Variants in SGSM1 observed in about 807,000 individuals in gnomAD.
SGSM1 encodes the protein RUN and TBC1 domain containing 2.
A neutral mutation model predicts 133.8 loss-of-function variants in SGSM1; 73 were observed. The ratio of observed to expected loss-of-function variants is 0.55; its 90% CI spans 0.45 to 0.66. The LOEUF (loss-of-function observed/expected upper bound fraction) is 0.66. Among genes scored for constraint, SGSM1 ranks in the 30% least tolerant of loss-of-function variants. SGSM1 has a pLI of 0.00. For synonymous variants in SGSM1, 563 were observed against 573.0 expected (o/e 0.98, Z 0.25); for missense variants, 1,213 against 1,448.1 (o/e 0.84, Z 2.64).
intron 21 of SGSM1, among the ~76,000 whole-genome samples, chr22:24,906,917 CT>C (rs1569174232): frequency 6.6e-6 from 1 of 151,572 alleles, no homozygotes; most frequent in Non-Finnish European, 1.5e-5. Flanking sequence ...CACCACTGCA[CT>C]CCAGCCTGGG....
At chr22:24,872,009 G>A (rs1243167278) in intron 12 of SGSM1, among the ~76,000 whole-genome samples, 1 of 152,132 alleles carries the variant, frequency 6.6e-6, no homozygotes, top group Non-Finnish European at 1.5e-5. Flanking sequence ...AAGTTTTATT[G>A]GAACACAGCC....
At chr22:24,850,542 CT>C in intron 5 of SGSM1, 110 bp downstream of exon 5, 1 of 1,436,572 alleles carries the variant, frequency 7.0e-7, no homozygotes, top group Non-Finnish European at 9.3e-7. Flanking sequence ...TTGACAGCCA[CT>C]AAATTTGAAA....
chr22:24,816,669 C>T (rs988654564), intron 2 of SGSM1, among the ~76,000 whole-genome samples: 4 of 151,944 alleles, frequency 2.6e-5, no homozygotes, highest in African/African-American at 7.3e-5. Flanking sequence ...CCTCCCAAAG[C>T]GCTGGGAAAA....
chr22:24,886,625 G>A lies in SGSM1; in HGVS notation c.1667G>A (p.Arg556His), dbSNP rs905732275. ...STSYEEQELL[R>H]LIYYGGIQPE... ...AGTTACGAGGAGCAGGAGCTGCTGCGCCTCATCTACTACGGGGGCATCCAG... is the reference window on the plus strand; with the variant it reads ...AGTTACGAGGAGCAGGAGCTGCTGCACCTCATCTACTACGGGGGCATCCAG... The change falls in exon 16 of 25, where the codon CGC becomes CAC. Residue 556 changes from arginine to histidine, a missense_variant. By Grantham distance (29) the Arg-to-His change is conservative (BLOSUM62 0). Transcript: ENST00000400358. The A allele has an allele frequency of 1.9e-5, 30 of 1,553,506 alleles. No individual in the cohort carries two copies. Among genetic ancestry groups the A allele is most frequent in the Non-Finnish European group, 2.5e-5 (29 of 1,148,144 alleles).
At chr22:24,855,936 TA>T (rs1930756777) in intron 8 of SGSM1, 1 of 657,558 alleles carries the variant, frequency 1.5e-6, no homozygotes, top group Non-Finnish European at 2.8e-6. Context: ...CACCCATCTT[TA>T]CATCCATCTA....
intron 16 of SGSM1, among the ~76,000 whole-genome samples, chr22:24,890,769 T>G (rs141609011): frequency 5.3e-5 from 8 of 151,698 alleles, no homozygotes; most frequent in African/African-American, 1.7e-4. Flanking sequence ...GTCTTGAACT[T>G]CTGACTTTGT....
chr22:24,870,325 A>G (rs1317879128), intron 12 of SGSM1, among the ~76,000 whole-genome samples: 1 of 152,228 alleles, frequency 6.6e-6, no homozygotes, highest in Non-Finnish European at 1.5e-5. Flanking sequence ...TCTGTTGCCC[A>G]TGAACTTGGG....
rs61742274 is a variant in SGSM1, at chr22:24,905,175, A to G, written c.2806A>G (p.Ile936Val). 0.013 allele frequency: 21,020 copies of G among 1,613,940 alleles called. 144 individuals carry two copies. The highest frequency in any genetic ancestry group is 0.016 in the Non-Finnish European group (18,359 of 1,179,816). The change falls in exon 21 of 25, where the codon ATT becomes GTT. Residue 936 changes from isoleucine (I) to valine (V), a missense_variant. By Grantham distance (29) the Ile-to-Val change is conservative (BLOSUM62 3). Transcript: ENST00000400358. ...TGATCTTCTGGCTCCACTGCTGGTC[A>G]TTCTGGATGATGGTGAGTGTGTCTT... ...MCDLLAPLLV[I>V]LDDEALAFSC...
chr22:24,814,952 A>G (rs2147783958), intron 2 of SGSM1, among the ~76,000 whole-genome samples: 1 of 152,324 alleles, frequency 6.6e-6, no homozygotes, highest in East Asian at 1.9e-4. Flanking sequence ...ACAGTCCCTC[A>G]GCCTAAGGAG....
chr22:24,876,879 A>G (rs976232579), intron 13 of SGSM1, among the ~76,000 whole-genome samples, 164 bp downstream of exon 13: 1 of 152,232 alleles, frequency 6.6e-6, no homozygotes, highest in South Asian at 2.1e-4. Context: ...TAGAGGTTAC[A>G]TGTAATAGTC....
chr22:24,886,381 A>G (rs1468718706), intron 15 of SGSM1, among the ~76,000 whole-genome samples: 1 of 125,288 alleles, frequency 8.0e-6, no homozygotes, highest in African/African-American at 3.1e-5. Flanking sequence ...AGCCTGGGTG[A>G]CAGAGCGCTC....
At chr22:24,920,732 CTTAAT>C (rs1933976507) in intron 24 of SGSM1, among the ~76,000 whole-genome samples, 1 of 152,126 alleles carries the variant, frequency 6.6e-6, no homozygotes, top group Non-Finnish European at 1.5e-5. Context: ...TATTAGGGTT[CTTAAT>C]TTAAGTAAAC....
rs1930730715 is a variant in SGSM1, at chr22:24,855,627, C to G, written c.748C>G (p.Gln250Glu). ...SARDYVESLH[Q>E]NSRATLLYGK... The stretch of plus-strand genomic sequence containing the variant: ...CCGCGACTACGTGGAGTCCCTGCAT[C>G]AGAACTCCCGTGCCACCCTTCTCTA... The change falls in exon 8 of 25, where the codon CAG becomes GAG. Residue 250 changes from glutamine (Q) to glutamate (E), a missense_variant. Physicochemically the swap from Gln to Glu is conservative, Grantham distance 29 (BLOSUM62 2). Transcript: ENST00000400358. 6.2e-7 allele frequency: 1 copy of G among 1,613,998 alleles called. No homozygotes were observed. Among genetic ancestry groups the G allele is most frequent in the Non-Finnish European group, 8.5e-7 (1 of 1,179,898 alleles).
chr22:24,877,990 T>C (rs185420271), intron 13 of SGSM1, among the ~76,000 whole-genome samples: 1 of 151,980 alleles, frequency 6.6e-6, no homozygotes, highest in East Asian at 1.9e-4. Flanking sequence ...TTTGTGTTTT[T>C]AGTAGAGATG....
At chr22:24,836,524 A>G (rs956180396) in intron 2 of SGSM1, among the ~76,000 whole-genome samples, 2 of 152,266 alleles carry the variant, frequency 1.3e-5, no homozygotes, top group African/African-American at 4.8e-5. Flanking sequence ...TTGAAGAACC[A>G]CCATACTGTC....
chr22:24,822,154 G>A (rs185442759), intron 2 of SGSM1, among the ~76,000 whole-genome samples: 3 of 138,166 alleles, frequency 2.2e-5, no homozygotes, highest in East Asian at 4.6e-4. Flanking sequence ...GCAGTGGCAC[G>A]ATCTCGGCTC....
chr22:24,913,677 T>A (rs1326424987), intron 22 of SGSM1, among the ~76,000 whole-genome samples: 1 of 151,836 alleles, frequency 6.6e-6, no homozygotes, highest in African/African-American at 2.4e-5. Context: ...GGTAAAAGAG[T>A]AATATAATGA....
At position 24,868,706 on chromosome 22, in the gene SGSM1, G is replaced by C; in HGVS notation, c.1159-17G>C. 2 of 1,613,424 alleles carry C rather than the reference G, an allele frequency of 1.2e-6. No individual in the cohort carries two copies. Among genetic ancestry groups the C allele is most frequent in the Non-Finnish European group, 1.7e-6 (2 of 1,179,526 alleles). ...AGATGTGTCCCAAGGACCTTGTTTT[G>C]GGACATGTTTTTGCAGGGCAAAGTG... On this transcript the variant is annotated splice_polypyrimidine_tract_variant and intron_variant, in intron 11 of 24. Transcript: ENST00000400358.
intron 3 of SGSM1, among the ~76,000 whole-genome samples, 187 bp downstream of exon 3, chr22:24,845,159 T>C (rs1055390409): frequency 2.0e-5 from 3 of 152,128 alleles, no homozygotes; most frequent in African/African-American, 7.2e-5. Context: ...CTGTACCCCA[T>C]GAAGAGGTCA....
Sources: gnomAD v4.1 joint callset for allele counts (sites outside exome capture counted in the v4.1 genomes callset) on GRCh38, gnomAD v4.1.1 for gene constraint, MANE v1.5 for transcripts, NCBI Gene and HGNC (gene_info 2026-07-23, HGNC 2026-07-21) for gene names.